The following RANBP1 variants were observed in gnomAD, a reference collection of about 807,000 sequenced individuals.
RANBP1 encodes RAN binding protein 1, also known as ran-specific GTPase-activating protein.
In RANBP1, 16 loss-of-function variants were observed where a neutral mutation model predicts 31.4. The observed-to-expected ratio is 0.51, with a 90% CI of 0.34 to 0.77. The LOEUF (loss-of-function observed/expected upper bound fraction) is 0.77, where lower values mean the gene tolerates loss of function less well. RANBP1 is among the 30% of genes least tolerant of loss of function. The pLI is 0.01. For missense variants in RANBP1, 265 were observed against 362.0 expected (o/e 0.73, Z 2.17); for synonymous variants, 129 against 140.5 (o/e 0.92, Z 0.58).
In RANBP1 at chr22:20,116,364, G is replaced by A. The variant is rs776513035; in HGVS notation, c.180G>A (p.Lys60=). 8.1e-6 allele frequency: 13 copies of A among 1,612,654 alleles called. No homozygotes were observed. The Admixed American group carries it at 2.2e-4, about 27-fold the overall frequency. Residue 60 remains lysine, a synonymous_variant, in exon 1 of 6, where the codon AAG becomes AAA. Coordinates refer to ENST00000430524, the MANE Select transcript of RANBP1 (RefSeq NM_001278639.2). ...LWGCRPKRPR[K]RRTSLKLAWR... ...GCTGCAGACCAAAGCGGCCCAGGAA[G>A]CGCCGGACGTCGCTGAAGCTGGCGT...
At chr22:20,124,102 G>A (rs2050246087) in intron 3 of RANBP1, 1 of 152,794 alleles carries the variant, frequency 6.5e-6, no homozygotes, top group African/African-American at 2.4e-5. Flanking sequence ...TCTAGTCCTG[G>A]GGAAGCTTGC....
rs1313269528 is a variant in RANBP1, at chr22:20,119,155, T to G, written c.383+6T>G. 1.9e-6 allele frequency: 3 copies of G among 1,610,998 alleles called. No homozygotes were observed. Among genetic ancestry groups the G allele is most frequent in the Non-Finnish European group, 2.5e-6 (3 of 1,177,470 alleles). On this transcript the variant is annotated splice_donor_region_variant and intron_variant, in intron 2 of 5. Transcript: ENST00000430524. ...GAAGAGGAACTTTTTAAAATGTAAG[T>G]AGGCTGATGTCCCAGAAATAGGACT...
intron 1 of RANBP1, chr22:20,117,541 G>T: frequency 7.2e-7 from 1 of 1,383,206 alleles, no homozygotes; most frequent in South Asian, 1.4e-5. Context: ...GCGGGCGGGC[G>T]GGAGGCGCCG....
At chr22:20,118,587 A>G (rs2050102894) in intron 1 of RANBP1, among the ~76,000 whole-genome samples, 1 of 152,254 alleles carries the variant, frequency 6.6e-6, no homozygotes, top group South Asian at 2.1e-4. Context: ...GTAATATTTC[A>G]AAATCTATTT....
At position 20,119,117 on chromosome 22, in the gene RANBP1, A is replaced by T. The variant is rs754710002; in HGVS notation, c.351A>T (p.Thr117=). The change falls in exon 2 of 6, where the codon ACA becomes ACT. Residue 117 remains threonine, a synonymous_variant. Coordinates refer to ENST00000430524, the MANE Select transcript of RANBP1 (RefSeq NM_001278639.2). ...IVSLPEQEIK[T]LEEDEEELFK... is the part of the protein sequence containing the mutation. ...CTCTTCCTGAGCAAGAAATTAAAAC[A>T]CTGGAAGAAGATGAAGAGGAACTTT... 2 of 1,612,840 alleles carry T rather than the reference A, an allele frequency of 1.2e-6. No individual in the cohort carries two copies. The highest frequency in any genetic ancestry group is 2.2e-5 in the South Asian group (2 of 91,062).
At chr22:20,122,540 G>A (rs2050195117) in intron 3 of RANBP1, 119 bp downstream of exon 3, 2 of 1,574,314 alleles carry the variant, frequency 1.3e-6, no homozygotes, top group Admixed American at 1.9e-5. Flanking sequence ...CAAGTTTGTG[G>A]TGTGTTTGTT....
intron 1 of RANBP1, chr22:20,117,759 C>T (rs1340340084): frequency 5.2e-5 from 56 of 1,073,328 alleles, no homozygotes; most frequent in Non-Finnish European, 6.2e-5. Flanking sequence ...CCACCAACCT[C>T]CGCCGGCCTG....
At chr22:20,119,526 T>C (rs2050129412) in intron 2 of RANBP1, 1 of 222,986 alleles carries the variant, frequency 4.5e-6, no homozygotes, top group African/African-American at 2.3e-5. Flanking sequence ...CCACCCGGTG[T>C]CTGTTGTTGT....
In RANBP1 at chr22:20,122,298, G is replaced by C. The variant is rs745394823; in HGVS notation, c.418G>C (p.Asp140His). 1.2e-6 allele frequency: 2 copies of C among 1,613,122 alleles called. No homozygotes were observed. The highest frequency in any genetic ancestry group is 1.7e-6 in the Non-Finnish European group (2 of 1,179,858). Residue 140 changes from aspartate to histidine, a missense_variant, in exon 3 of 6, where the codon GAT (aspartate) becomes CAT (histidine). Asp to His is a moderately conservative substitution (Grantham distance 81). This residue lies in a region of RANBP1 where 90 missense variants were observed against 190.5 expected (regional missense o/e 0.47). Transcript: ENST00000430524. ...ACTGTTCCGATTTGCCTCTGAGAAC[G>C]ATCTCCCAGAATGGAAGGAGCGAGG... ...AKLFRFASEN[D>H]LPEWKERGTG...
rs377188395 is a variant in RANBP1, at chr22:20,125,300, C to G, written c.542-8C>G. 1.9e-6 allele frequency: 3 copies of G among 1,611,434 alleles called. No individual in the cohort carries two copies. The highest frequency in any genetic ancestry group is 1.3e-5 in the African/African-American group (1 of 74,862). Reference sequence around the variant, plus strand: ...TCTCACCATCTTCACGAGCTTCTCTCTCTTCAGTCACGCCGATGATGGAGC... The same window carrying G: ...TCTCACCATCTTCACGAGCTTCTCTGTCTTCAGTCACGCCGATGATGGAGC... On this transcript the variant is annotated splice_polypyrimidine_tract_variant and splice_region_variant and intron_variant, in intron 3 of 5. Transcript: ENST00000430524.
intron 3 of RANBP1, among the ~76,000 whole-genome samples, chr22:20,123,850 G>A (rs1342310743): frequency 6.6e-6 from 1 of 152,094 alleles, no homozygotes; most frequent in African/African-American, 2.4e-5. Flanking sequence ...TTGTCCTGGG[G>A]TGTCCCTTGG....
At chr22:20,118,395 T>G (rs1456858985) in intron 1 of RANBP1, 1 of 962,092 alleles carries the variant, frequency 1.0e-6, no homozygotes, top group African/African-American at 1.8e-5. Context: ...ATTTCATGAC[T>G]TTCACCGGTA....
chr22:20,119,804 C>T (rs973071393), intron 2 of RANBP1, among the ~76,000 whole-genome samples: 4 of 152,192 alleles, frequency 2.6e-5, no homozygotes, highest in East Asian at 3.8e-4. Context: ...CGTCAGCTAC[C>T]GCGCCCGGCC....
Position 20,125,754 on chromosome 22 carries a change from C to G in RANBP1, c.670+318C>G. On this transcript the variant is annotated intron_variant, in intron 4 of 5. Transcript: ENST00000430524. ...GTTGTTGCGGAGCCTGAGGCCCAAC[C>G]CAGGGCTTCCTCCCAGTGCTGATCC... 7 of 1,011,868 alleles carry G rather than the reference C, an allele frequency of 6.9e-6. 1 individual carries two copies. The highest frequency in any genetic ancestry group is 5.0e-5 in the South Asian group (3 of 59,478). 62.7% of individuals were successfully genotyped at this position (1,011,868 alleles called of 1,614,324 possible). A position where few individuals can be genotyped will look rare whatever the true frequency, so the allele number is the denominator to read the frequency against.
At chr22:20,118,272 T>C in intron 1 of RANBP1, 3 of 1,002,458 alleles carry the variant, frequency 3.0e-6, no homozygotes, top group Non-Finnish European at 3.6e-6. Context: ...TTGAGTCTAG[T>C]GGTGAAGTCT....
At chr22:20,125,045 T>C (rs1011389308) in intron 3 of RANBP1, 3 of 451,126 alleles carry the variant, frequency 6.7e-6, no homozygotes, top group Non-Finnish European at 1.2e-5. Context: ...CTCGTGGAGA[T>C]GGCCTTACGG....
intron 5 of RANBP1, 87 bp downstream of exon 5, chr22:20,126,455 C>T (rs2050301082): frequency 1.9e-6 from 3 of 1,607,790 alleles, no homozygotes; most frequent in South Asian, 1.1e-5. Flanking sequence ...TTTCTGTCTG[C>T]CAGATAAACA....
chr22:20,119,284 C>T (rs1351643040), intron 2 of RANBP1, 135 bp downstream of exon 2: 12 of 812,982 alleles, frequency 1.5e-5, no homozygotes, highest in East Asian at 2.6e-5. Flanking sequence ...GTGACTAATC[C>T]CATGTGGAAA....
chr22:20,126,383 T>C lies in RANBP1; in HGVS notation c.736+15T>C, dbSNP rs1448492998. Reference sequence around the variant, plus strand: ...AGAAAAGAAAGGTGACGTGGTGCCATGGGTTGGGGGGCTTCTTTGCAGACT... The same window carrying C: ...AGAAAAGAAAGGTGACGTGGTGCCACGGGTTGGGGGGCTTCTTTGCAGACT... On this transcript the variant is annotated intron_variant, in intron 5 of 5. Coordinates refer to ENST00000430524, the MANE Select transcript of RANBP1 (RefSeq NM_001278639.2). The C allele has an allele frequency of 7.4e-6, 12 of 1,613,734 alleles. No homozygotes were observed. The highest frequency in any genetic ancestry group is 1.7e-5 in the Admixed American group (1 of 60,010).
Sources: allele counts gnomAD v4.1 joint callset (sites outside exome capture counted in the v4.1 genomes callset), GRCh38; gene constraint gnomAD v4.1.1; regional missense constraint gnomAD v4.1.1; transcripts MANE v1.5; gene names NCBI Gene and HGNC (gene_info 2026-07-23, HGNC 2026-07-21).